Variants in RAP1GAP2 observed in about 807,000 individuals in gnomAD.
RAP1GAP2 encodes rap1 GTPase-activating protein 2.
Under a neutral mutation model 95.0 loss-of-function variants are expected in RAP1GAP2, and 27 were observed. That is an observed-to-expected ratio of 0.28 (90% CI 0.21 to 0.39). The LOEUF is 0.39. Among genes scored for constraint, RAP1GAP2 ranks in the 10% least tolerant of loss-of-function variants. The pLI is 1.00. For synonymous variants in RAP1GAP2, 373 were observed against 380.9 expected (o/e 0.98, Z 0.24); for missense variants, 771 against 970.0 (o/e 0.79, Z 2.72).
chr17:2,834,883 G>A (rs1217131746), intron 2 of RAP1GAP2, among the ~76,000 whole-genome samples: 2 of 151,958 alleles, frequency 1.3e-5, no homozygotes, highest in Admixed American at 6.6e-5. Context: ...CCATCCACCT[G>A]ACCTTTATTT....
chr17:2,963,592 G>A lies in RAP1GAP2; in HGVS notation c.279+130G>A. On this transcript the variant is annotated intron_variant, in intron 6 of 24. Transcript: ENST00000254695. The surrounding 1 kb of genome is among the most constrained non-coding windows in gnomAD (Gnocchi z 4.8). The stretch of plus-strand genomic sequence containing the variant: ...CCTTGGGCCTGGGACCTCTCTTCCT[G>A]TCTTTGCCTTTGTAACCTCAGCTTC... 4 of 1,263,004 alleles carry A rather than the reference G, an allele frequency of 3.2e-6. No homozygotes were observed. The highest frequency in any genetic ancestry group is 4.5e-6 in the Non-Finnish European group (4 of 879,552). The allele number at this position is 1,263,004 out of a possible 1,614,324, so 78.2% of individuals were successfully genotyped here.
upstream of RAP1GAP2, among the ~76,000 whole-genome samples, chr17:2,774,281 C>G (rs1298145642): frequency 6.6e-6 from 1 of 152,056 alleles, no homozygotes; most frequent in Non-Finnish European, 1.5e-5. Context: ...AAGAGAAGGT[C>G]CTGCTGTTCT....
chr17:2,996,975 C>T (rs1412416513), intron 13 of RAP1GAP2, among the ~76,000 whole-genome samples: 2 of 152,074 alleles, frequency 1.3e-5, no homozygotes, highest in African/African-American at 2.4e-5. Flanking sequence ...CATACAGGAG[C>T]GGGTTTTTGT....
chr17:2,981,254 G>T lies in RAP1GAP2; in HGVS notation c.729+6G>T. ...ATCCTGTCCTGTACCCCAAGGTAAG[G>T]ACCTTCATGCTCCCAACATAGGGGC... is the stretch of plus-strand genomic sequence containing the variant. On this transcript the variant is annotated splice_donor_region_variant and intron_variant, in intron 10 of 24. Transcript: ENST00000254695. The T allele has an allele frequency of 1.2e-6, 2 of 1,606,490 alleles. No individual in the cohort carries two copies. The highest frequency in any genetic ancestry group is 1.7e-6 in the Non-Finnish European group (2 of 1,175,582).
chr17:2,844,370 G>A (rs969497804), intron 2 of RAP1GAP2, among the ~76,000 whole-genome samples: 2 of 152,168 alleles, frequency 1.3e-5, no homozygotes, highest in Admixed American at 6.6e-5. Flanking sequence ...TTCAGAGAGT[G>A]GGAACTGAAT....
intron 2 of RAP1GAP2, among the ~76,000 whole-genome samples, chr17:2,845,747 G>C (rs1333913446): frequency 6.6e-6 from 1 of 151,958 alleles, no homozygotes; most frequent in Non-Finnish European, 1.5e-5. Context: ...TGTAATCCCA[G>C]CTACTCTGGA....
chr17:2,894,782 T>A (rs1234221944), intron 2 of RAP1GAP2, among the ~76,000 whole-genome samples: 1 of 152,220 alleles, frequency 6.6e-6, no homozygotes, highest in African/African-American at 2.4e-5. Context: ...GCTCCCGAAA[T>A]GCCTTATGAC....
At chr17:2,962,796 T>A in intron 5 of RAP1GAP2, 82 bp downstream of exon 5, 1 of 1,313,968 alleles carries the variant, frequency 7.6e-7, no homozygotes, top group South Asian at 1.4e-5. Context: ...GCTGCCGGGA[T>A]GCTGGGGTCT....
At chr17:2,782,146 C>T (rs1232087497) in intron 1 of RAP1GAP2, among the ~76,000 whole-genome samples, 1 of 152,190 alleles carries the variant, frequency 6.6e-6, no homozygotes, top group Non-Finnish European at 1.5e-5. Context: ...CATGCCCCAT[C>T]CCGCCCTCTC....
At chr17:2,837,091 A>C (rs2071163591) in intron 2 of RAP1GAP2, among the ~76,000 whole-genome samples, 1 of 151,994 alleles carries the variant, frequency 6.6e-6, no homozygotes, top group South Asian at 2.1e-4. Flanking sequence ...TCACTACAAA[A>C]AATTAAAAAA....
upstream of RAP1GAP2, among the ~76,000 whole-genome samples, chr17:2,776,845 G>A (rs1395061926): frequency 1.3e-5 from 2 of 151,524 alleles, no homozygotes; most frequent in Non-Finnish European, 3.0e-5. Context: ...AGGAGGAGGA[G>A]GAGGAGGAGG....
intron 3 of RAP1GAP2, among the ~76,000 whole-genome samples, chr17:2,929,169 G>A (rs1011992085): frequency 1.3e-5 from 2 of 152,174 alleles, no homozygotes; most frequent in Middle Eastern, 3.2e-3. Context: ...GGCATTTGAG[G>A]CTGCAGTGAA....
At chr17:2,901,771 G>A (rs2042034246) in intron 2 of RAP1GAP2, among the ~76,000 whole-genome samples, 1 of 152,136 alleles carries the variant, frequency 6.6e-6, no homozygotes, top group Non-Finnish European at 1.5e-5. Flanking sequence ...GGGCTGGGCT[G>A]TGCCTGGCTG....
chr17:3,031,929 G>A (rs56304351), intron 23 of RAP1GAP2, among the ~76,000 whole-genome samples: 2 of 145,026 alleles, frequency 1.4e-5, no homozygotes, highest in African/African-American at 2.6e-5. Flanking sequence ...CCAGACTATC[G>A]AGAGCTCCAG....
chr17:2,837,491 C>A (rs1044901433), intron 2 of RAP1GAP2, among the ~76,000 whole-genome samples: 2 of 151,992 alleles, frequency 1.3e-5, no homozygotes, highest in African/African-American at 4.8e-5. Flanking sequence ...TGATGGGCAT[C>A]GGGAGTCTCT....
At chr17:2,762,620 C>T (rs979561180) in intron 1 of RAP1GAP2, among the ~76,000 whole-genome samples, 9 of 151,294 alleles carry the variant, frequency 5.9e-5, no homozygotes, top group African/African-American at 1.9e-4. Context: ...AAGCTGGTCT[C>T]GAACTCCTTA....
At chr17:2,977,448 T>A (rs952768136) in intron 8 of RAP1GAP2, among the ~76,000 whole-genome samples, 2 of 151,972 alleles carry the variant, frequency 1.3e-5, no homozygotes, top group Non-Finnish European at 2.9e-5. Flanking sequence ...TTATACAAAC[T>A]ATTTCAAAGG....
At chr17:2,986,509 T>C (rs1349853651) in intron 11 of RAP1GAP2, among the ~76,000 whole-genome samples, 3 of 151,984 alleles carry the variant, frequency 2.0e-5, no homozygotes, top group African/African-American at 7.2e-5. Context: ...ATGTACCTGA[T>C]GCTGCTGTGG....
At chr17:2,897,061 G>T (rs370458371) in intron 2 of RAP1GAP2, among the ~76,000 whole-genome samples, 1 of 152,226 alleles carries the variant, frequency 6.6e-6, no homozygotes, top group African/African-American at 2.4e-5. Context: ...TCCAGGCCAG[G>T]TGCGCTGGCT....
Sources: gnomAD v4.1 joint callset for allele counts (sites outside exome capture counted in the v4.1 genomes callset) on GRCh38, gnomAD v4.1.1 for gene constraint, Gnocchi (gnomAD v3.1) non-coding constraint, MANE v1.5 for transcripts, NCBI Gene and HGNC (gene_info 2026-07-23, HGNC 2026-07-21) for gene names.